The following TG variants were observed in gnomAD, a reference collection of about 807,000 sequenced individuals.
TG encodes thyroglobulin.
TG carries 270 observed loss-of-function variants against 324.7 expected under a neutral mutation model. The observed-to-expected ratio is 0.83, with a 90% confidence interval of 0.75 to 0.92. The LOEUF is 0.92. Among genes scored for constraint, TG ranks in the 40% least tolerant of loss-of-function variants. TG has a pLI of 0.00. For missense variants in TG, 3,591 were observed against 3,456.4 expected, an observed-to-expected ratio of 1.04 and a Z score of -0.98; for synonymous variants, 1,401 against 1,327.0, an observed-to-expected ratio of 1.06 and a Z score of -1.21.
At chr8:133,065,365 A>G (rs1761639706) in intron 41 of TG, among the ~76,000 whole-genome samples, 1 of 152,236 alleles carries the variant, frequency 6.6e-6, no homozygotes, top group South Asian at 2.1e-4. Context: ...GCCTGGCTCT[A>G]AAACCTGTGC....
chr8:132,873,590 C>T (rs766838776), intron 5 of TG, among the ~76,000 whole-genome samples: 6 of 151,958 alleles, frequency 3.9e-5, no homozygotes, highest in Non-Finnish European at 8.8e-5. Flanking sequence ...ATTTATGTAG[C>T]CATTAAAAAG....
chr8:132,919,242 G>T (rs923904502), intron 20 of TG, 134 bp from the exon 21 acceptor site: 3 of 952,802 alleles, frequency 3.1e-6, no homozygotes, highest in African/African-American at 1.6e-5. Context: ...CACACAGTAG[G>T]TTCTCAGTGG....
At chr8:132,928,989 A>T in intron 22 of TG, 87 bp from the exon 23 acceptor site, 1 of 1,085,990 alleles carries the variant, frequency 9.2e-7, no homozygotes, top group South Asian at 1.2e-5. Flanking sequence ...ATGGGTATTG[A>T]CTGCTTGACC....
intron 45 of TG, among the ~76,000 whole-genome samples, chr8:133,131,536 G>C (rs1851948868): frequency 6.6e-6 from 1 of 152,190 alleles, no homozygotes; most frequent in South Asian, 2.1e-4. Flanking sequence ...TGTGTTGGGA[G>C]GTTTCTCGCA....
rs754582661 is a variant in TG, at chr8:133,131,962, T to A, written c.7997+16T>A. On this transcript the variant is annotated intron_variant, in intron 46 of 47. Coordinates refer to ENST00000220616, the MANE Select transcript of TG (RefSeq NM_003235.5). ...TCAGATCAGGGTAATTTTGGACCAC[T>A]TGTTCAGAATTCTGTCACTGTGCTT... 17 of 1,613,822 alleles carry A rather than the reference T, an allele frequency of 1.1e-5. No homozygotes were observed. In the African/African-American group the frequency reaches 2.1e-4, roughly 20 times the overall value.
At chr8:132,898,140 T>G in intron 12 of TG, 29 bp from the exon 13 acceptor site, 1 of 1,577,070 alleles carries the variant, frequency 6.3e-7, no homozygotes, top group Non-Finnish European at 8.6e-7. Context: ...GTGCAATTCC[T>G]GAATGTTCTC....
chr8:133,016,435 CCT>C (rs1835033789), intron 37 of TG, among the ~76,000 whole-genome samples: 1 of 152,178 alleles, frequency 6.6e-6, no homozygotes, highest in Non-Finnish European at 1.5e-5. Context: ...CCAAATGTCC[CCT>C]GTGGGCAAAA....
At chr8:133,083,072 T>G (rs1482793154) in intron 41 of TG, among the ~76,000 whole-genome samples, 3 of 152,204 alleles carry the variant, frequency 2.0e-5, no homozygotes, top group African/African-American at 7.2e-5. Flanking sequence ...GCTATAGAAA[T>G]AGTTCTGGCC....
intron 3 of TG, among the ~76,000 whole-genome samples, chr8:132,870,144 C>A (rs1277188686): frequency 6.6e-6 from 1 of 151,874 alleles, no homozygotes; most frequent in African/African-American, 2.4e-5. Flanking sequence ...GCCTTCTCAC[C>A]CGTGGTGTGA....
intron 40 of TG, among the ~76,000 whole-genome samples, chr8:133,025,810 G>C (rs992171037): frequency 6.6e-6 from 1 of 152,220 alleles, no homozygotes; most frequent in Admixed American, 6.5e-5. Flanking sequence ...TTGCATGCCA[G>C]CCTCAGCCTA....
intron 20 of TG, among the ~76,000 whole-genome samples, chr8:132,917,889 A>ATTTTTTTTTT (rs71299038): frequency 0.016 from 2,278 of 138,684 alleles, 28 homozygotes; most frequent in Admixed American, 0.024. Context: ...GGTTTTTGCA[A>ATTTTTTTTTT]TTTTTTTTTT....
intron 37 of TG, among the ~76,000 whole-genome samples, chr8:133,016,957 T>C (rs1835082936): frequency 6.6e-6 from 1 of 152,188 alleles, no homozygotes; most frequent in Admixed American, 6.5e-5. Flanking sequence ...GTTGGCCTTG[T>C]GGACAAGGAG....
At chr8:132,967,194 C>A (rs1390198284) in intron 30 of TG, among the ~76,000 whole-genome samples, 1 of 151,118 alleles carries the variant, frequency 6.6e-6, no homozygotes, top group East Asian at 2.0e-4. Context: ...TCCATGTATC[C>A]ATCCCATCCA....
At chr8:132,914,967 AGT>A (rs139806753) in intron 20 of TG, among the ~76,000 whole-genome samples, 6 of 151,508 alleles carry the variant, frequency 4.0e-5, no homozygotes, top group African/African-American at 1.2e-4. Context: ...TGTGTGTATG[AGT>A]GTGTGTGTGT....
At chr8:133,071,654 G>A (rs1024627383) in intron 41 of TG, among the ~76,000 whole-genome samples, 12 of 151,962 alleles carry the variant, frequency 7.9e-5, no homozygotes, top group African/African-American at 2.7e-4. Flanking sequence ...GGGGAGGAGT[G>A]GGGGGAGGAG....
In TG at chr8:133,113,509, G is replaced by A; in HGVS notation, c.7660G>A (p.Ala2554Thr). The A allele has an allele frequency of 6.2e-7, 1 of 1,614,042 alleles. No individual in the cohort carries two copies. Among genetic ancestry groups the A allele is most frequent in the Non-Finnish European group, 8.5e-7 (1 of 1,179,998 alleles). Residue 2554 changes from alanine (A) to threonine (T), a missense_variant, in exon 44 of 48, where the codon GCC becomes ACC. Coordinates refer to ENST00000220616, the MANE Select transcript of TG (RefSeq NM_003235.5). Reference sequence around the variant, plus strand: ...TTCTCTGGGTGGCGAGGACTCAGATGCCCGCGTCGAGGCTGCTGCTACATG... The same window carrying A: ...TTCTCTGGGTGGCGAGGACTCAGATACCCGCGTCGAGGCTGCTGCTACATG... ...QNSLGGEDSD[A>T]RVEAAATWYY...
chr8:132,982,892 A>G (rs930895893), intron 34 of TG, among the ~76,000 whole-genome samples: 1 of 152,104 alleles, frequency 6.6e-6, no homozygotes, highest in Admixed American at 6.5e-5. Context: ...GTAGGACTGC[A>G]CCTCCTCACC....
At chr8:132,955,163 A>G (rs1388014272) in intron 27 of TG, among the ~76,000 whole-genome samples, 1 of 152,130 alleles carries the variant, frequency 6.6e-6, no homozygotes, top group African/African-American at 2.4e-5. Flanking sequence ...ATTCTTCATA[A>G]TGGTCATCTT....
In TG at chr8:133,117,445, G is replaced by A. The variant is rs528428273; in HGVS notation, c.7862+729G>A. Among the ~76,000 whole-genome samples, 83 of 152,200 alleles carry A rather than the reference G, an allele frequency of 5.5e-4. 1 individual carries two copies. The highest frequency in any genetic ancestry group is 1.0e-3 in the Non-Finnish European group (68 of 68,040). On this transcript the variant is annotated intron_variant, in intron 45 of 47. Coordinates refer to ENST00000220616, the MANE Select transcript of TG (RefSeq NM_003235.5). ...GTATCTGGGGACTTGGATGACCGGCGCTTTGAATGGAGGACTATGGGGCTA... is the reference window on the plus strand; with the variant it reads ...GTATCTGGGGACTTGGATGACCGGCACTTTGAATGGAGGACTATGGGGCTA...
Sources: allele counts gnomAD v4.1 joint callset (sites outside exome capture counted in the v4.1 genomes callset), GRCh38; gene constraint gnomAD v4.1.1; transcripts MANE v1.5; gene names NCBI Gene and HGNC (gene_info 2026-07-23, HGNC 2026-07-21).